The following DISC1 variants were observed in gnomAD, a reference collection of about 807,000 sequenced individuals.
DISC1 encodes the protein disrupted in schizophrenia 1 protein.
Under a neutral mutation model 84.5 loss-of-function variants are expected in DISC1, and 57 were observed. The observed-to-expected ratio is 0.67, with a 90% CI of 0.55 to 0.84. DISC1 has a LOEUF of 0.84. Ranked by LOEUF, DISC1 falls within the 40% of genes least tolerant of loss-of-function variation. The probability of loss-of-function intolerance (pLI) is 0.00; values close to 1 mark genes in which losing one functional copy is unlikely to be tolerated. For missense variants in DISC1, 1,000 were observed against 1,057.8 expected (o/e 0.95, Z 0.76); for synonymous variants, 411 against 415.2 (o/e 0.99, Z 0.12).
chr1:232,006,891 G>A (rs1481409377), intron 10 of DISC1, among the ~76,000 whole-genome samples: 1 of 152,150 alleles, frequency 6.6e-6, no homozygotes, highest in East Asian at 1.9e-4. Flanking sequence ...TGTGCCCAGG[G>A]CCTTGCAGCT....
At chr1:231,863,522 C>T (rs76246311) in intron 9 of DISC1, among the ~76,000 whole-genome samples, 7 of 152,210 alleles carry the variant, frequency 4.6e-5, no homozygotes, top group Non-Finnish European at 8.8e-5. Context: ...TGAGCCACCG[C>T]GCCTGGCCTA....
chr1:231,997,453 C>T (rs546367603), intron 10 of DISC1, among the ~76,000 whole-genome samples: 176 of 152,236 alleles, frequency 1.2e-3, no homozygotes, highest in African/African-American at 4.2e-3. Context: ...ATTTGGCCCA[C>T]GTGTGGGGAG....
intron 9 of DISC1, among the ~76,000 whole-genome samples, chr1:231,949,918 G>A (rs1015239895): frequency 3.3e-5 from 5 of 152,138 alleles, no homozygotes; most frequent in Admixed American, 6.6e-5. Context: ...AACCCAAGTG[G>A]GTCTGAATTT....
intron 9 of DISC1, among the ~76,000 whole-genome samples, chr1:231,852,997 G>T (rs2084007136): frequency 6.6e-6 from 1 of 152,138 alleles, no homozygotes; most frequent in South Asian, 2.1e-4. Context: ...CCTTATAGCA[G>T]CTCTAAAATA....
chr1:231,701,894 C>A (rs898704105), intron 2 of DISC1, 61 bp from the exon 3 acceptor site: 1 of 1,413,430 alleles, frequency 7.1e-7, no homozygotes, highest in Non-Finnish European at 9.7e-7. Flanking sequence ...TTAGTTTTCA[C>A]AAAAATGTTT....
intron 9 of DISC1, among the ~76,000 whole-genome samples, chr1:231,869,802 A>G (rs1041941164): frequency 6.6e-6 from 1 of 152,128 alleles, no homozygotes; most frequent in East Asian, 1.9e-4. Flanking sequence ...TATCTAAACC[A>G]TAGCAGAGTC....
chr1:231,890,785 C>T (rs534131983), intron 9 of DISC1, among the ~76,000 whole-genome samples: 5 of 152,320 alleles, frequency 3.3e-5, no homozygotes, highest in South Asian at 2.1e-4. Context: ...ACCATATCCT[C>T]GTGATTTCAG....
At chr1:231,874,946 G>A (rs939321818) in intron 9 of DISC1, among the ~76,000 whole-genome samples, 3 of 150,362 alleles carry the variant, frequency 2.0e-5, no homozygotes, top group Non-Finnish European at 3.0e-5. Context: ...GAATACCATA[G>A]CATTAAGTGA....
chr1:231,755,556 TA>T (rs924585503), intron 4 of DISC1, among the ~76,000 whole-genome samples: 1 of 152,182 alleles, frequency 6.6e-6, no homozygotes, highest in African/African-American at 2.4e-5. Flanking sequence ...TATTTTTACT[TA>T]ATTTAGTATC....
chr1:231,906,461 C>T (rs1056106759), intron 9 of DISC1, among the ~76,000 whole-genome samples: 2 of 152,156 alleles, frequency 1.3e-5, no homozygotes, highest in African/African-American at 4.8e-5. Flanking sequence ...TAAAATATCC[C>T]AGGGGGTGCT....
intron 3 of DISC1, chr1:231,722,748 C>T: frequency 6.6e-7 from 1 of 1,516,590 alleles, no homozygotes; most frequent in African/African-American, 1.4e-5. Context: ...TATTCCTCTC[C>T]CTTTTAACAT....
intron 10 of DISC1, among the ~76,000 whole-genome samples, chr1:231,962,776 C>T (rs1159890216): frequency 6.6e-6 from 1 of 152,136 alleles, no homozygotes; most frequent in African/African-American, 2.4e-5. Flanking sequence ...CTCATCCTCT[C>T]TCCCTCCATG....
intron 9 of DISC1, among the ~76,000 whole-genome samples, chr1:231,885,576 C>T (rs1025847974): frequency 5.3e-5 from 8 of 152,190 alleles, no homozygotes; most frequent in African/African-American, 1.7e-4. Context: ...AATCCAGGCT[C>T]CCCTCTTTCA....
At chr1:231,683,177 A>G (rs1445352830) in intron 1 of DISC1, among the ~76,000 whole-genome samples, 1 of 152,224 alleles carries the variant, frequency 6.6e-6, no homozygotes, top group Non-Finnish European at 1.5e-5. Flanking sequence ...ATTGGGGGAG[A>G]GAGAGTATTC....
At chr1:231,683,031 G>A (rs553502910) in intron 1 of DISC1, among the ~76,000 whole-genome samples, 2 of 152,350 alleles carry the variant, frequency 1.3e-5, no homozygotes, top group South Asian at 4.1e-4. Context: ...GACTCTCATT[G>A]TCTAATGGAA....
chr1:231,702,005 G>C lies in DISC1; in HGVS notation c.1098G>C (p.Glu366Asp). 6.2e-7 allele frequency: 1 copy of C among 1,607,532 alleles called. No homozygotes were observed. The highest frequency in any genetic ancestry group is 1.3e-5 in the African/African-American group (1 of 74,826). Residue 366 changes from glutamate (E) to aspartate (D), a missense_variant, in exon 3 of 13, where the codon GAG becomes GAC. By Grantham distance (45) the Glu-to-Asp change is conservative (BLOSUM62 2). Coordinates refer to ENST00000439617, the MANE Select transcript of DISC1 (RefSeq NM_018662.3). ...AGAAACTTCAGGAAGATGCAGTTGA[G>C]AATGATGATTATGATAAAGGTGAGT... ...KLQKLQEDAV[E>D]NDDYDKAETL...
intron 11 of DISC1, among the ~76,000 whole-genome samples, chr1:232,025,321 G>A (rs1022917290): frequency 1.3e-5 from 2 of 152,212 alleles, no homozygotes; most frequent in African/African-American, 4.8e-5. Flanking sequence ...CTTTAGGAGA[G>A]TTGAGGGGAT....
At chr1:231,707,376 T>C (rs2067219308) in intron 3 of DISC1, among the ~76,000 whole-genome samples, 1 of 152,192 alleles carries the variant, frequency 6.6e-6, no homozygotes, top group South Asian at 2.1e-4. Context: ...ACCAGGACTT[T>C]GGAGTGTTCT....
chr1:231,704,583 C>G (rs2066797667), intron 3 of DISC1, among the ~76,000 whole-genome samples: 1 of 151,710 alleles, frequency 6.6e-6, no homozygotes, highest in Non-Finnish European at 1.5e-5. Flanking sequence ...AGTGAAACCC[C>G]ATCTCTACTA....
Sources: gnomAD v4.1 joint callset for allele counts (sites outside exome capture counted in the v4.1 genomes callset) on GRCh38, gnomAD v4.1.1 for gene constraint, MANE v1.5 for transcripts, NCBI Gene and HGNC (gene_info 2026-07-23, HGNC 2026-07-21) for gene names.